GCC2: variants seen among roughly 807,000 people sequenced by gnomAD.
The protein encoded by GCC2 is GRIP and coiled-coil domain containing 2, also known as GRIP and coiled-coil domain-containing protein 2.
GCC2 carries 120 observed loss-of-function variants against 210.6 expected under a neutral mutation model. That is an observed-to-expected ratio of 0.57 (90% CI 0.49 to 0.66). The LOEUF (loss-of-function observed/expected upper bound fraction) is 0.66. Among genes scored for constraint, GCC2 ranks in the 30% least tolerant of loss-of-function variants. The pLI is 0.00. For synonymous variants in GCC2, 703 were observed against 652.7 expected (o/e 1.08, Z -1.17); for missense variants, 1,868 against 1,871.9 (o/e 1.00, Z 0.04).
intron 21 of GCC2, among the ~76,000 whole-genome samples, chr2:108,497,794 A>C (rs2459174): frequency 6.6e-6 from 1 of 152,268 alleles, no homozygotes; most frequent in Non-Finnish European, 1.5e-5. Flanking sequence ...CATACTGCTT[A>C]TTGAGGAGTT....
At chr2:108,505,434 T>C (rs1262774310) in intron 22 of GCC2, among the ~76,000 whole-genome samples, 2 of 152,184 alleles carry the variant, frequency 1.3e-5, no homozygotes, top group African/African-American at 4.8e-5. Flanking sequence ...CATGCCTTTG[T>C]ATAATCTCTT....
At chr2:108,498,242 T>A (rs1682746598) in intron 21 of GCC2, among the ~76,000 whole-genome samples, 1 of 143,846 alleles carries the variant, frequency 7.0e-6, no homozygotes, top group South Asian at 2.3e-4. Context: ...GTCTCCAGGT[T>A]TGGAGTGCAG....
rs778423603 is a variant in GCC2, at chr2:108,469,948, G to A, written c.619G>A (p.Ala207Thr). Residue 207 changes from alanine (A) to threonine (T), a missense_variant, in exon 6 of 23, where the codon GCT becomes ACT. Physicochemically the swap from Ala to Thr is moderately conservative, Grantham distance 58. Around this residue, in one of 3 missense-constraint regions of GCC2, gnomAD observed 1,847 missense variants for 1,765.2 expected, o/e 1.05. Coordinates refer to ENST00000309863, the MANE Select transcript of GCC2 (RefSeq NM_181453.4). ...TTTATATCTGCAAAAGCAATTAGAC[G>A]CTACCACTGATGAAAAGAAGGAAAC... is the stretch of plus-strand genomic sequence containing the variant. The part of the protein sequence containing the change: ...QILYLQKQLD[A>T]TTDEKKETVT... The A allele has an allele frequency of 4.3e-6, 7 of 1,613,180 alleles. No individual in the cohort carries two copies. Among genetic ancestry groups the A allele is most frequent in the African/African-American group, 1.3e-5 (1 of 74,894 alleles).
intron 9 of GCC2, among the ~76,000 whole-genome samples, chr2:108,481,052 G>T (rs570864413): frequency 2.6e-5 from 4 of 152,190 alleles, no homozygotes; most frequent in Admixed American, 2.6e-4. Context: ...ATGCAGTCTC[G>T]AAACTGAATC....
At chr2:108,487,898 TGA>T (rs1682225710) in intron 17 of GCC2, 78 bp downstream of exon 17, 52 of 1,208,718 alleles carry the variant, frequency 4.3e-5, no homozygotes, top group East Asian at 2.5e-4. Context: ...AATCCTATTA[TGA>T]TTTTTTTTTT....
intron 4 of GCC2, among the ~76,000 whole-genome samples, chr2:108,465,844 G>A (rs1257180198): frequency 1.3e-5 from 2 of 152,024 alleles, no homozygotes; most frequent in African/African-American, 2.4e-5. Context: ...CCACATCCAC[G>A]CAAACATCTG....
chr2:108,506,205 T>A (rs1305482541), intron 22 of GCC2, among the ~76,000 whole-genome samples: 2 of 152,324 alleles, frequency 1.3e-5, no homozygotes, highest in South Asian at 4.1e-4. Context: ...TTAAAATTGC[T>A]AAAAACGAGG....
rs755657988 is a variant in GCC2, at chr2:108,451,054, C to A, written c.90C>A (p.Leu30=). ...TGGAAACATTGCCCAAAGAAGACCT[C>A]ATCAAGTTTGCCAAGAAACAGATGA... ...SKLETLPKED[L]IKFAKKQMML... is the part of the protein sequence containing the mutation. The change falls in exon 3 of 23, where the codon CTC becomes CTA. Residue 30 remains leucine (L), a synonymous_variant. Coordinates refer to ENST00000309863, the MANE Select transcript of GCC2 (RefSeq NM_181453.4). The A allele has an allele frequency of 1.2e-6, 2 of 1,612,900 alleles. No individual in the cohort carries two copies. Among genetic ancestry groups the A allele is most frequent in the Non-Finnish European group, 1.7e-6 (2 of 1,179,028 alleles).
intron 17 of GCC2, 79 bp downstream of exon 17, chr2:108,487,899 G>GA (rs1682225947): frequency 5.2e-5 from 37 of 707,222 alleles, no homozygotes; most frequent in Middle Eastern, 7.8e-4. Context: ...ATCCTATTAT[G>GA]ATTTTTTTTT....
rs185916521 is a variant in GCC2 at position 108,502,751 on chromosome 2, C to T, written c.4984+2997C>T. The stretch of plus-strand genomic sequence containing the variant: ...CAGCCTGGCCAACATGGTGAAACCC[C>T]GTCTCTACTCAGAATACAAAAATTA... On this transcript the variant is annotated intron_variant, in intron 22 of 22. Coordinates refer to ENST00000309863, the MANE Select transcript of GCC2 (RefSeq NM_181453.4). 1.3e-3 allele frequency among the ~76,000 whole-genome samples: 191 copies of T among 151,940 alleles called. 1 individual carries two copies. The highest frequency in any genetic ancestry group is 2.1e-3 in the Non-Finnish European group (145 of 67,958).
intron 18 of GCC2, among the ~76,000 whole-genome samples, chr2:108,490,950 C>A (rs1440390001): frequency 1.3e-5 from 2 of 152,110 alleles, no homozygotes; most frequent in African/African-American, 4.8e-5. Flanking sequence ...CTTTTCATAG[C>A]ATTTTGAGGT....
intron 16 of GCC2, 87 bp downstream of exon 16, chr2:108,486,735 T>C: frequency 7.8e-7 from 1 of 1,274,646 alleles, no homozygotes; most frequent in Non-Finnish European, 1.1e-6. Flanking sequence ...GCTCTGCCTT[T>C]TTAGTATTTT....
Position 108,452,460 on chromosome 2 carries a change from T to G in GCC2, c.210T>G (p.Ile70Met), listed in dbSNP as rs1679995612. 6.6e-7 allele frequency: 1 copy of G among 1,524,182 alleles called. No homozygotes were observed. The highest frequency in any genetic ancestry group is 9.1e-7 in the Non-Finnish European group (1 of 1,099,260). The allele number at this position is 1,524,182 out of a possible 1,614,324, so 94.4% of individuals were successfully genotyped here. A position where few individuals can be genotyped will look rare whatever the true frequency, so the allele number is the denominator to read the frequency against. Residue 70 changes from isoleucine to methionine, a missense_variant, in exon 4 of 23, where the codon ATT becomes ATG. Transcript: ENST00000309863. ...SKPVTEGTGD[I>M]IKALTERLDA... is the part of the protein sequence containing the mutation. ...CTGTTACTGAAGGAACTGGTGATAT[T>G]ATTAAGGTAATTATTACGTTGGGAA... is the stretch of plus-strand genomic sequence containing the variant.
rs746584349 is a variant in GCC2 at position 108,483,038 on chromosome 2, G to T, written c.3346-24G>T. The T allele has an allele frequency of 3.3e-6, 4 of 1,216,014 alleles. 1 individual carries two copies. The South Asian group carries it at 4.9e-5, about 15-fold the overall frequency. The allele number at this position is 1,216,014 out of a possible 1,614,324, so 75.3% of individuals were successfully genotyped here. ...TTTTTAATATTGGTTGGGTGGTGTGGGTTGTTTTTATTTTTAATTTCAGGA... is the reference window on the plus strand; with the variant it reads ...TTTTTAATATTGGTTGGGTGGTGTGTGTTGTTTTTATTTTTAATTTCAGGA... On this transcript the variant is annotated intron_variant, in intron 11 of 22. Coordinates refer to ENST00000309863, the MANE Select transcript of GCC2 (RefSeq NM_181453.4).
At chr2:108,498,842 G>C (rs1252167008) in intron 21 of GCC2, among the ~76,000 whole-genome samples, 3 of 151,654 alleles carry the variant, frequency 2.0e-5, no homozygotes, top group Non-Finnish European at 4.4e-5. Context: ...GGTAGGGGCA[G>C]GGGGTTAGTG....
chr2:108,454,234 C>T (rs559059037), intron 4 of GCC2, among the ~76,000 whole-genome samples: 24 of 152,288 alleles, frequency 1.6e-4, no homozygotes, highest in Non-Finnish European at 3.4e-4. Flanking sequence ...TCGTGATCCA[C>T]CTGCCTCGTC....
At chr2:108,502,961 T>G (rs1683000987) in intron 22 of GCC2, among the ~76,000 whole-genome samples, 4 of 149,868 alleles carry the variant, frequency 2.7e-5, no homozygotes, top group South Asian at 2.1e-4. Flanking sequence ...ACAAGATAGT[T>G]CAAAAGAAAT....
Position 108,452,445 on chromosome 2 carries a change from A to C in GCC2, c.195A>C (p.Glu65Asp). The stretch of plus-strand genomic sequence containing the variant: ...AACTCAGATCAAAACCTGTTACTGA[A>C]GGAACTGGTGATATTATTAAGGTAA... The part of the protein sequence containing the change: ...IEELRSKPVT[E>D]GTGDIIKALT... Residue 65 changes from glutamate (E) to aspartate (D), a missense_variant, in exon 4 of 23, where the codon GAA becomes GAC. Transcript: ENST00000309863. 1 of 1,552,316 alleles carries C rather than the reference A, an allele frequency of 6.4e-7. No homozygotes were observed. Among genetic ancestry groups the C allele is most frequent in the South Asian group, 1.1e-5 (1 of 89,682 alleles).
intron 7 of GCC2, among the ~76,000 whole-genome samples, chr2:108,474,417 T>TG (rs1386475856): frequency 3.9e-5 from 6 of 152,160 alleles, no homozygotes; most frequent in African/African-American, 1.4e-4. Context: ...TCAAATAAGA[T>TG]GAGTACTGAG....
Sources: gnomAD v4.1 joint callset for allele counts (sites outside exome capture counted in the v4.1 genomes callset) on GRCh38, gnomAD v4.1.1 for gene constraint, gnomAD v4.1.1 regional missense constraint, MANE v1.5 for transcripts, NCBI Gene and HGNC (gene_info 2026-07-23, HGNC 2026-07-21) for gene names.